Variants in PHYKPL observed in about 807,000 individuals in gnomAD.
The protein encoded by PHYKPL is 5-phosphonooxy-L-lysine phospho-lyase.
PHYKPL carries 42 observed loss-of-function variants against 51.3 expected under a neutral mutation model. That is an observed-to-expected ratio of 0.82 (90% confidence interval 0.64 to 1.06). The LOEUF is 1.06. Ranked by LOEUF, PHYKPL falls within the 50% of genes least tolerant of loss-of-function variation. PHYKPL has a pLI of 0.00. For synonymous variants in PHYKPL, 264 were observed against 236.0 expected (o/e 1.12, Z -1.09); for missense variants, 655 against 586.6 (o/e 1.12, Z -1.20).
chr5:178,231,147 C>G (rs924987722), intron 2 of PHYKPL, among the ~76,000 whole-genome samples: 1 of 152,210 alleles, frequency 6.6e-6, no homozygotes, highest in Non-Finnish European at 1.5e-5. Context: ...GGCCATCTGC[C>G]ACTTTGTGAG....
In PHYKPL at chr5:178,232,650, C is replaced by T. The variant is rs1305673318; in HGVS notation, c.-100G>A. 16 of 1,205,738 alleles carry T rather than the reference C, an allele frequency of 1.3e-5. No individual in the cohort carries two copies. Among genetic ancestry groups the T allele is most frequent in the Non-Finnish European group, 1.7e-5 (16 of 965,320 alleles). 74.7% of individuals were successfully genotyped at this position (1,205,738 alleles called of 1,614,324 possible). On this transcript the variant is annotated 5_prime_UTR_variant, in exon 1 of 13. Coordinates refer to ENST00000308158, the MANE Select transcript of PHYKPL (RefSeq NM_153373.4). ...CTCCGGGCCCCGCCCCTGCCTGGGT[C>T]GGGATTTGGGGCTCAGGTTCGCACT...
At chr5:178,211,005 TCATA>T (rs1481969411) in intron 12 of PHYKPL, 1 of 218,026 alleles carries the variant, frequency 4.6e-6, no homozygotes, top group Non-Finnish European at 9.1e-6. Context: ...ATTATTTGCG[TCATA>T]CATTTCCTGT....
At chr5:178,209,521 C>T (rs1757520793) in intron 12 of PHYKPL, 2 of 1,300,022 alleles carry the variant, frequency 1.5e-6, no homozygotes, top group African/African-American at 1.4e-5. Flanking sequence ...TCTTGGGGCT[C>T]CCTCTGGTGC....
In PHYKPL at chr5:178,222,982, A is replaced by G. The variant is rs1411062958; in HGVS notation, c.619-48T>C. ...AACACGACCATGGGGTTGTGCAGTG[A>G]CCGGCTTAGCGTGCCCTGCTAGTGC... On this transcript the variant is annotated intron_variant, in intron 6 of 12. Coordinates refer to ENST00000308158, the MANE Select transcript of PHYKPL (RefSeq NM_153373.4). The G allele has an allele frequency of 1.9e-6, 3 of 1,590,758 alleles. No individual in the cohort carries two copies. In the African/African-American group the frequency reaches 4.0e-5, roughly 21 times the overall value.
At chr5:178,221,077 A>G (rs1296640889) in intron 8 of PHYKPL, among the ~76,000 whole-genome samples, 3 of 152,190 alleles carry the variant, frequency 2.0e-5, no homozygotes, top group Admixed American at 1.3e-4. Context: ...TTCATTAGGG[A>G]TGCTGGCTTC....
At chr5:178,223,023 A>C (rs1001412546) in intron 6 of PHYKPL, 89 bp from the exon 7 acceptor site, 1 of 1,276,842 alleles carries the variant, frequency 7.8e-7, no homozygotes. Flanking sequence ...TAGTCCAAGC[A>C]AGACAAGTCA....
chr5:178,222,858 A>C lies in PHYKPL; in HGVS notation c.695T>G (p.Val232Gly). 1 of 1,614,126 alleles carries C rather than the reference A, an allele frequency of 6.2e-7. No homozygotes were observed. The change falls in exon 7 of 13, where the codon GTG becomes GGG. Residue 232 changes from valine (V) to glycine (G), a missense_variant. Physicochemically the swap from Val to Gly is moderately radical, Grantham distance 109. Transcript: ENST00000308158. ...ACCCCGCCCACCTACTCACTCTGCCACTTGGGAGAAGTAGCCAGCAGGGGG... is the reference window on the plus strand; with the variant it reads ...ACCCCGCCCACCTACTCACTCTGCCCCTTGGGAGAAGTAGCCAGCAGGGGG... ...IIPPAGYFSQ[V>G]AEHIRKAGGV...
chr5:178,216,978 G>A (rs1309965945), intron 8 of PHYKPL: 3 of 152,150 alleles, frequency 2.0e-5, no homozygotes, highest in Admixed American at 6.5e-5. Context: ...GCTGCAGTGA[G>A]CCAAGACTCC....
intron 3 of PHYKPL, among the ~76,000 whole-genome samples, chr5:178,227,414 G>T (rs181110693): frequency 2.3e-4 from 35 of 152,330 alleles, no homozygotes; most frequent in African/African-American, 7.9e-4. Flanking sequence ...TTTCTTATGA[G>T]AGCCAGAGCA....
At chr5:178,221,957 A>C (rs1761251142) in intron 8 of PHYKPL, among the ~76,000 whole-genome samples, 1 of 152,068 alleles carries the variant, frequency 6.6e-6, no homozygotes, top group African/African-American at 2.4e-5. Flanking sequence ...CTGTACCCCA[A>C]AGACAGGGAG....
intron 12 of PHYKPL, among the ~76,000 whole-genome samples, chr5:178,209,680 C>T (rs753911964): frequency 6.6e-6 from 1 of 152,042 alleles, no homozygotes; most frequent in Admixed American, 6.5e-5. Flanking sequence ...ATTTGTGTTA[C>T]ACTCTGGGGG....
At chr5:178,209,688 G>T (rs1349792781) in intron 12 of PHYKPL, among the ~76,000 whole-genome samples, 1 of 152,138 alleles carries the variant, frequency 6.6e-6, no homozygotes, top group Non-Finnish European at 1.5e-5. Flanking sequence ...TACACTCTGG[G>T]GGAGGGGATG....
rs981318156 is a variant in PHYKPL, at chr5:178,208,639, T to G, written c.*308A>C. ...TGCATGTCAGGATTTTCTTTAGAAA[T>G]ACACTGGTCTGGTCTAATTTATTTA... On this transcript the variant is annotated 3_prime_UTR_variant, in exon 13 of 13. Coordinates refer to ENST00000308158, the MANE Select transcript of PHYKPL (RefSeq NM_153373.4). 1 of 152,242 alleles carries G rather than the reference T, an allele frequency of 6.6e-6. No individual in the cohort carries two copies. Among genetic ancestry groups the G allele is most frequent in the Admixed American group, 6.5e-5 (1 of 15,282 alleles). 9.4% of individuals were successfully genotyped at this position (152,242 alleles called of 1,614,324 possible).
At chr5:178,213,179 C>G (rs544183703) in intron 10 of PHYKPL, 76 bp from the exon 11 acceptor site, 3 of 1,571,656 alleles carry the variant, frequency 1.9e-6, no homozygotes, top group East Asian at 4.5e-5. Context: ...GTCCAGTGCT[C>G]CAGCCACACT....
intron 1 of PHYKPL, chr5:178,232,059 C>T (rs1763573661): frequency 5.0e-6 from 6 of 1,190,404 alleles, no homozygotes; most frequent in Non-Finnish European, 6.4e-6. Context: ...CCGACTCCCC[C>T]GACTCTCCCT....
At chr5:178,209,598 A>G in intron 12 of PHYKPL, 1 of 669,002 alleles carries the variant, frequency 1.5e-6, no homozygotes, top group South Asian at 1.8e-5. Flanking sequence ...GCTCTGGGTC[A>G]GGGCTGTATG....
chr5:178,230,895 C>T (rs1446377092), intron 2 of PHYKPL: 2 of 154,026 alleles, frequency 1.3e-5, no homozygotes, highest in South Asian at 2.0e-4. Flanking sequence ...GGATTTGAGC[C>T]CAAGCAGTCT....
intron 12 of PHYKPL, chr5:178,210,416 C>T: frequency 2.0e-6 from 3 of 1,530,422 alleles, no homozygotes; most frequent in Non-Finnish European, 2.7e-6. Context: ...GAGCCTTAGA[C>T]TTCGGGGTCT....
At chr5:178,218,216 C>CA (rs777929826) in intron 8 of PHYKPL, among the ~76,000 whole-genome samples, 18,319 of 58,286 alleles carry the variant, frequency 0.31, 3,245 homozygotes, top group African/African-American at 0.43. Flanking sequence ...AACTCCGTCT[C>CA]AAAAAAAAAA....
Sources: allele counts gnomAD v4.1 joint callset (sites outside exome capture counted in the v4.1 genomes callset), GRCh38; gene constraint gnomAD v4.1.1; transcripts MANE v1.5; gene names NCBI Gene and HGNC (gene_info 2026-07-23, HGNC 2026-07-21).